The following FYB1 variants were observed in gnomAD, a reference collection of about 807,000 sequenced individuals.
The protein encoded by FYB1 is FYN-binding protein 1.
A neutral mutation model predicts 94.1 loss-of-function variants in FYB1; 41 were observed. The ratio of observed to expected loss-of-function variants is 0.44; its 90% CI spans 0.34 to 0.57. The LOEUF (loss-of-function observed/expected upper bound fraction) is 0.57. Ranked by LOEUF, FYB1 falls within the 20% of genes least tolerant of loss-of-function variation. The probability of loss-of-function intolerance (pLI) is 0.02; values close to 1 mark genes in which losing one functional copy is unlikely to be tolerated. For missense variants in FYB1, 1,050 were observed against 976.8 expected (o/e 1.07, Z -1.00); for synonymous variants, 367 against 353.2 (o/e 1.04, Z -0.44).
chr5:39,240,072 G>C (rs1288293213), intron 1 of FYB1, among the ~76,000 whole-genome samples: 1 of 152,132 alleles, frequency 6.6e-6, no homozygotes, highest in Non-Finnish European at 1.5e-5. Context: ...CAAGCAATGA[G>C]GAAAGGACTC....
chr5:39,271,242 A>G (rs1467233767), intron 1 of FYB1, among the ~76,000 whole-genome samples: 1 of 152,172 alleles, frequency 6.6e-6, no homozygotes, highest in East Asian at 1.9e-4. Flanking sequence ...ATTTCCCTAA[A>G]AAAAAAGTAC....
At chr5:39,220,243 T>C (rs1194026962), upstream of FYB1, among the ~76,000 whole-genome samples, 6 of 151,634 alleles carry the variant, frequency 4.0e-5, no homozygotes, top group East Asian at 1.2e-3. Context: ...ACCCTGTCTC[T>C]ACAAAAATAA....
chr5:39,115,237 G>A (rs1437192322), intron 16 of FYB1, among the ~76,000 whole-genome samples: 3 of 151,982 alleles, frequency 2.0e-5, no homozygotes, highest in Admixed American at 1.3e-4. Flanking sequence ...CTGGACTACA[G>A]GCATGTGCCA....
intron 2 of FYB1, chr5:39,169,431 A>G (rs924452869): frequency 1.8e-5 from 13 of 741,314 alleles, no homozygotes; most frequent in Middle Eastern, 2.4e-4. Flanking sequence ...ATTAAAAAGA[A>G]CAGGAACATT....
chr5:39,118,824 T>C (rs1422372124), intron 16 of FYB1, 50 bp downstream of exon 16: 1 of 1,191,266 alleles, frequency 8.4e-7, no homozygotes, highest in Non-Finnish European at 1.1e-6. Flanking sequence ...GGTTGTTAAA[T>C]TCTGGAGTGA....
chr5:39,235,401 C>T (rs975664375), intron 1 of FYB1, among the ~76,000 whole-genome samples: 3 of 151,938 alleles, frequency 2.0e-5, no homozygotes, highest in African/African-American at 7.3e-5. Flanking sequence ...ATAAATAACT[C>T]TTGGCTGATT....
intron 1 of FYB1, among the ~76,000 whole-genome samples, chr5:39,232,986 G>A (rs1242550429): frequency 2.0e-5 from 3 of 152,002 alleles, no homozygotes; most frequent in African/African-American, 7.3e-5. Context: ...ATGTGGGTTG[G>A]TTCCAAGTCT....
chr5:39,257,555 T>G (rs1290818809), intron 1 of FYB1, among the ~76,000 whole-genome samples: 1 of 152,024 alleles, frequency 6.6e-6, no homozygotes, highest in African/African-American at 2.4e-5. Context: ...AACAAGTAGG[T>G]ATAGTGACTT....
Position 39,148,155 on chromosome 5 carries a change from T to TATATA in FYB1, c.1292+5292_1292+5293insTATAT, listed in dbSNP as rs1332920550. ...ATTATATGTATATTATATGTATTTT[T>TATATA]TATATATATATATATATATATATAT... On this transcript the variant is annotated intron_variant, in intron 3 of 18. Transcript: ENST00000512982. 3.8e-3 allele frequency among the ~76,000 whole-genome samples: 142 copies of TATATA among 37,540 alleles called. 1 individual carries two copies. Among genetic ancestry groups the TATATA allele is most frequent in the African/African-American group, 7.4e-3 (57 of 7,710 alleles). The allele number at this position is 37,540 out of a possible 152,430, so 24.6% of individuals were successfully genotyped here.
At chr5:39,130,754 A>G in intron 9 of FYB1, 142 bp from the exon 10 acceptor site, 1 of 640,460 alleles carries the variant, frequency 1.6e-6, no homozygotes, top group East Asian at 2.8e-5. Context: ...TAAAGAGGAA[A>G]AAATGTTCCT....
intron 1 of FYB1, among the ~76,000 whole-genome samples, chr5:39,215,362 T>G (rs1331884537): frequency 6.6e-6 from 1 of 152,222 alleles, no homozygotes. Flanking sequence ...ACTTTTTTTT[T>G]GACTGATAGG....
intron 2 of FYB1, among the ~76,000 whole-genome samples, chr5:39,179,538 C>T (rs1966581): frequency 0.37 from 51,459 of 139,516 alleles, 9,896 homozygotes; most frequent in East Asian, 0.56. Flanking sequence ...CCAAGCTTTT[C>T]TTCTTTTTTC....
chr5:39,202,058 C>T lies in FYB1; in HGVS notation c.903G>A (p.Gln301=). 2 of 1,614,040 alleles carry T rather than the reference C, an allele frequency of 1.2e-6. No homozygotes were observed. The highest frequency in any genetic ancestry group is 1.7e-6 in the Non-Finnish European group (2 of 1,179,898). Residue 301 remains glutamine, a synonymous_variant, in exon 2 of 19, where the codon CAG becomes CAA. Coordinates refer to ENST00000512982, the MANE Select transcript of FYB1 (RefSeq NM_001465.6). The part of the protein sequence containing the change: ...AKNTFQSKIN[Q]EELASGTPPA... ...GAGGAGTCCCTGAGGCCAACTCTTC[C>T]TGATTTATTTTGCTCTGGAAGGTGT...
In FYB1 at chr5:39,148,381, G is replaced by GTTTTTTTTTTTTTT. The variant is rs538508812; in HGVS notation, c.1292+5053_1292+5066dup. ...GCATTTAGCTTTTAATTATCAGCAG[G>GTTTTTTTTTTTTTT]TTTTTTTTTTTTTTTTTTTTTTTTT... On this transcript the variant is annotated intron_variant, in intron 3 of 18. Transcript: ENST00000512982. 7.9e-5 allele frequency among the ~76,000 whole-genome samples: 3 copies of GTTTTTTTTTTTTTT among 38,172 alleles called. 1 individual carries two copies. The highest frequency in any genetic ancestry group is 2.2e-4 in the African/African-American group (3 of 13,494). The allele number at this position is 38,172 out of a possible 152,430, so 25.0% of individuals were successfully genotyped here.
At chr5:39,261,563 G>T (rs992139332) in intron 1 of FYB1, among the ~76,000 whole-genome samples, 5 of 151,946 alleles carry the variant, frequency 3.3e-5, no homozygotes, top group Admixed American at 2.6e-4. Flanking sequence ...CCTGGCTAAC[G>T]TGGTGAAACC....
chr5:39,233,597 C>A (rs911122643), intron 1 of FYB1, among the ~76,000 whole-genome samples: 2 of 152,034 alleles, frequency 1.3e-5, no homozygotes, highest in Admixed American at 1.3e-4. Flanking sequence ...CATAAAACTT[C>A]TATGAAAAAT....
chr5:39,160,164 TA>T (rs1744122459), intron 2 of FYB1, among the ~76,000 whole-genome samples: 1 of 152,214 alleles, frequency 6.6e-6, no homozygotes, highest in African/African-American at 2.4e-5. Context: ...AAGACTTGGT[TA>T]AGTTGCTTGA....
At chr5:39,239,470 T>C (rs776372867) in intron 1 of FYB1, among the ~76,000 whole-genome samples, 1 of 152,104 alleles carries the variant, frequency 6.6e-6, no homozygotes, top group Non-Finnish European at 1.5e-5. Context: ...AGTTTCAGGA[T>C]ACAAAATCAA....
At chr5:39,115,472 A>C (rs1417787351) in intron 16 of FYB1, among the ~76,000 whole-genome samples, 1 of 152,160 alleles carries the variant, frequency 6.6e-6, no homozygotes, top group Non-Finnish European at 1.5e-5. Flanking sequence ...GGAAAACAGC[A>C]GTGGATGAGG....
Sources: gnomAD v4.1 joint callset for allele counts (sites outside exome capture counted in the v4.1 genomes callset) on GRCh38, gnomAD v4.1.1 for gene constraint, MANE v1.5 for transcripts, NCBI Gene and HGNC (gene_info 2026-07-23, HGNC 2026-07-21) for gene names.